Variants in TICRR observed in about 807,000 individuals in gnomAD.
TICRR encodes TOPBP1 interacting checkpoint and replication regulator, also known as treslin.
A neutral mutation model predicts 178.1 loss-of-function variants in TICRR; 132 were observed. The observed-to-expected ratio is 0.74, with a 90% CI of 0.64 to 0.86. The LOEUF is 0.86. Ranked by LOEUF, TICRR falls within the 40% of genes least tolerant of loss-of-function variation. The pLI is 0.00. For synonymous variants in TICRR, 991 were observed against 900.7 expected (o/e 1.10, Z -1.79); for missense variants, 2,587 against 2,334.3 (o/e 1.11, Z -2.23).
intron 2 of TICRR, 83 bp from the exon 3 acceptor site, chr15:89,584,203 A>C: frequency 2.3e-6 from 3 of 1,290,256 alleles, no homozygotes; most frequent in Non-Finnish European, 3.1e-6. Flanking sequence ...ATCTCTTTTT[A>C]GTATCTATTC....
chr15:89,592,235 C>T, intron 5 of TICRR, 59 bp downstream of exon 5: 1 of 1,505,956 alleles, frequency 6.6e-7, no homozygotes. Flanking sequence ...CAGTTATCTG[C>T]ATTTTTTTCT....
chr15:89,615,653 T>C (rs552646160), intron 15 of TICRR, among the ~76,000 whole-genome samples: 1 of 152,190 alleles, frequency 6.6e-6, no homozygotes, highest in South Asian at 2.1e-4. Flanking sequence ...TTACTAATCA[T>C]TTTAAGCTCA....
intron 8 of TICRR, among the ~76,000 whole-genome samples, chr15:89,599,825 C>G (rs1466552912): frequency 6.6e-6 from 1 of 152,038 alleles, no homozygotes; most frequent in African/African-American, 2.4e-5. Context: ...ATATATATGC[C>G]AACTAACCGT....
In TICRR at chr15:89,621,469, C is replaced by T. The variant is rs1450992727; in HGVS notation, c.3231C>T (p.Ile1077=). The stretch of plus-strand genomic sequence containing the variant: ...TTTTTGGGGCAATGTCTGAGATGAT[C>T]AGCCCCTCAGAAAAGGGTTCAGCTC... ...SLLFGAMSEM[I]SPSEKGSARM... The change falls in exon 19 of 22, where the codon ATC becomes ATT. Residue 1077 remains isoleucine, a synonymous_variant. Transcript: ENST00000268138. The T allele has an allele frequency of 1.2e-6, 2 of 1,613,916 alleles. No individual in the cohort carries two copies. The highest frequency in any genetic ancestry group is 1.7e-6 in the Non-Finnish European group (2 of 1,179,784).
rs1293952762 is a variant in TICRR at position 89,625,598 on chromosome 15, C to T, written c.5288C>T (p.Ser1763Phe). 2 of 1,613,020 alleles carry T rather than the reference C, an allele frequency of 1.2e-6. No homozygotes were observed. Among genetic ancestry groups the T allele is most frequent in the Non-Finnish European group, 1.7e-6 (2 of 1,180,032 alleles). Residue 1763 changes from serine (S) to phenylalanine (F), a missense_variant, in exon 20 of 22, where the codon TCT becomes TTT. By Grantham distance (155) the Ser-to-Phe change is radical. Transcript: ENST00000268138. The part of the protein sequence containing the change: ...RNSMPKAEEA[S>F]SWGQFGLSSR... ...AGCATGCCTAAGGCCGAGGAAGCCT[C>T]TTCCTGGGGACAGTTTGGGTTGAGT...
intron 1 of TICRR, among the ~76,000 whole-genome samples, chr15:89,578,955 A>G (rs1330478336): frequency 6.6e-6 from 1 of 152,188 alleles, no homozygotes; most frequent in Non-Finnish European, 1.5e-5. Flanking sequence ...AGGGAGGAAG[A>G]GAAAATCCAG....
intron 7 of TICRR, among the ~76,000 whole-genome samples, chr15:89,598,422 G>A (rs1963036624): frequency 6.6e-6 from 1 of 152,120 alleles, no homozygotes; most frequent in Non-Finnish European, 1.5e-5. Context: ...GAGTGCAATG[G>A]TGCGGTCTTG....
Position 89,599,451 on chromosome 15 carries a change from A to G in TICRR, c.2028A>G (p.Lys676=). ...TCTCAACCGTTAAAATGTTCCTAAA[A>G]TCAAAAGGCACCAAGGAATTAGAAG... ...NMISTVKMFL[K]SKGTKELEVN... The change falls in exon 8 of 22, where the codon AAA becomes AAG. Residue 676 remains lysine (K), a synonymous_variant. Coordinates refer to ENST00000268138, the MANE Select transcript of TICRR (RefSeq NM_152259.4). The G allele has an allele frequency of 3.1e-6, 5 of 1,613,130 alleles. No homozygotes were observed. Among genetic ancestry groups the G allele is most frequent in the Admixed American group, 1.7e-5 (1 of 59,890 alleles).
In TICRR at chr15:89,601,757, A is replaced by C; in HGVS notation, c.2348A>C (p.Lys783Thr). 1 of 1,614,182 alleles carries C rather than the reference A, an allele frequency of 6.2e-7. No individual in the cohort carries two copies. The highest frequency in any genetic ancestry group is 1.1e-5 in the South Asian group (1 of 91,084). The change falls in exon 12 of 22, where the codon AAG becomes ACG. Residue 783 changes from lysine to threonine, a missense_variant. Coordinates refer to ENST00000268138, the MANE Select transcript of TICRR (RefSeq NM_152259.4). ...CACAGGTATATTGACTCTATCCCAA[A>C]GACACTTGGAAATCTTTACAACAGC... ...ILRLYIDSIP[K>T]TLGNLYNSLG...
chr15:89,609,159 G>T (rs1963219994), intron 15 of TICRR, among the ~76,000 whole-genome samples: 1 of 113,612 alleles, frequency 8.8e-6, no homozygotes, highest in African/African-American at 3.7e-5. Flanking sequence ...CACCCAGGTT[G>T]GAGTGCAGTG....
chr15:89,618,787 G>A (rs892455178), intron 17 of TICRR, among the ~76,000 whole-genome samples: 10 of 152,266 alleles, frequency 6.6e-5, no homozygotes, highest in African/African-American at 2.2e-4. Flanking sequence ...GTGAGGTGCT[G>A]TGTCTATAAA....
chr15:89,589,453 T>C (rs1962875175), intron 4 of TICRR, among the ~76,000 whole-genome samples: 1 of 152,022 alleles, frequency 6.6e-6, no homozygotes, highest in Non-Finnish European at 1.5e-5. Flanking sequence ...GGTGGCCTTG[T>C]TTTTAGCATG....
intron 13 of TICRR, among the ~76,000 whole-genome samples, chr15:89,603,874 G>A (rs1963134733): frequency 6.6e-6 from 1 of 152,084 alleles, no homozygotes; most frequent in African/African-American, 2.4e-5. Flanking sequence ...ATGTGAATGT[G>A]GTCTTCCTCT....
intron 15 of TICRR, among the ~76,000 whole-genome samples, chr15:89,613,570 A>C (rs150932677): frequency 4.6e-4 from 70 of 152,234 alleles, no homozygotes; most frequent in African/African-American, 1.5e-3. Flanking sequence ...ATGGTGTCAC[A>C]AGTATCTGAA....
At chr15:89,577,212 T>C (rs563013529) in intron 1 of TICRR, among the ~76,000 whole-genome samples, 9 of 152,164 alleles carry the variant, frequency 5.9e-5, no homozygotes, top group African/African-American at 2.2e-4. Context: ...GTATTAAACG[T>C]TGTAGGTGTT....
chr15:89,616,993 C>G (rs536676955), intron 16 of TICRR, among the ~76,000 whole-genome samples: 24 of 152,208 alleles, frequency 1.6e-4, no homozygotes, highest in Admixed American at 3.3e-4. Context: ...GTAGTTTGCT[C>G]CTGGTATACC....
chr15:89,600,718 C>T, intron 9 of TICRR, 33 bp downstream of exon 9: 1 of 1,059,048 alleles, frequency 9.4e-7, no homozygotes, highest in Non-Finnish European at 1.4e-6. Context: ...AAAATCATCA[C>T]TCTAAAAGCT....
chr15:89,612,247 T>A (rs528133282), intron 15 of TICRR, among the ~76,000 whole-genome samples: 2 of 152,310 alleles, frequency 1.3e-5, no homozygotes, highest in Admixed American at 1.3e-4. Context: ...ATTATCTCTG[T>A]GGTCAGCCAA....
chr15:89,576,436 C>T (rs1251523121), intron 1 of TICRR, among the ~76,000 whole-genome samples, 196 bp downstream of exon 1: 2 of 151,792 alleles, frequency 1.3e-5, no homozygotes, highest in African/African-American at 2.4e-5. Flanking sequence ...TGTTTAAGAC[C>T]CCTCACAATT....
Sources: gnomAD v4.1 joint callset for allele counts (sites outside exome capture counted in the v4.1 genomes callset) on GRCh38, gnomAD v4.1.1 for gene constraint, MANE v1.5 for transcripts, NCBI Gene and HGNC (gene_info 2026-07-23, HGNC 2026-07-21) for gene names.